The following BMP6 variants were observed in gnomAD, a reference collection of about 807,000 sequenced individuals.
The protein encoded by BMP6 is bone morphogenetic protein 6.
BMP6 carries 17 observed loss-of-function variants against 54.1 expected under a neutral mutation model. The ratio of observed to expected loss-of-function variants is 0.31; its 90% confidence interval spans 0.22 to 0.47. BMP6 has a LOEUF of 0.47. Ranked by LOEUF, BMP6 falls within the 20% of genes least tolerant of loss-of-function variation. The pLI, the probability that BMP6 is intolerant of heterozygous loss-of-function variation, is 1.00. For synonymous variants in BMP6, 328 were observed against 291.2 expected (o/e 1.13, Z -1.28); for missense variants, 720 against 690.4 (o/e 1.04, Z -0.48).
chr6:7,822,693 A>G (rs1190756115), intron 1 of BMP6, among the ~76,000 whole-genome samples: 1 of 152,124 alleles, frequency 6.6e-6, no homozygotes, highest in East Asian at 1.9e-4. Context: ...TAGATTCTCC[A>G]TCCTAATTGT....
chr6:7,830,841 C>T (rs546035458), intron 1 of BMP6, among the ~76,000 whole-genome samples: 34 of 152,306 alleles, frequency 2.2e-4, no homozygotes, highest in Non-Finnish European at 4.4e-4. Context: ...TGTCTCCCAC[C>T]AGGTACCTCC....
chr6:7,878,079 ACTC>A (rs1759649991), intron 4 of BMP6, among the ~76,000 whole-genome samples: 3 of 149,190 alleles, frequency 2.0e-5, no homozygotes, highest in African/African-American at 7.4e-5. Flanking sequence ...TTCCAGCAGA[ACTC>A]CTCTCTCTTC....
intron 1 of BMP6, among the ~76,000 whole-genome samples, chr6:7,761,418 A>G (rs6934488): frequency 0.17 from 25,632 of 152,218 alleles, 3,209 homozygotes; most frequent in African/African-American, 0.35. Context: ...TAGAATTCCA[A>G]GTGCATTTCT....
chr6:7,740,742 C>T (rs1336649277), intron 1 of BMP6, among the ~76,000 whole-genome samples: 3 of 152,178 alleles, frequency 2.0e-5, no homozygotes, highest in African/African-American at 4.8e-5. Context: ...CAATCTTTGC[C>T]CTCTCGCCCA....
intron 1 of BMP6, among the ~76,000 whole-genome samples, chr6:7,734,354 C>G (rs915427403): frequency 6.6e-6 from 1 of 152,172 alleles, no homozygotes; most frequent in Non-Finnish European, 1.5e-5. Flanking sequence ...TTTTCACCAC[C>G]ATTTTCTCTT....
rs78215860 is a variant in BMP6 at position 7,726,694 on chromosome 6, C to G, written c.-262C>G. 5.9e-6 allele frequency: 1 copy of G among 168,154 alleles called. No individual in the cohort carries two copies. The highest frequency in any genetic ancestry group is 1.3e-5 in the Non-Finnish European group (1 of 79,076). The allele number at this position is 168,154 out of a possible 1,614,324, so 10.4% of individuals were successfully genotyped here. ...GGCCTGGACCGCGCGCCTCTAGAGACCTGCGCGAGGCTGTGAGGCTCCCCT... is the reference window on the plus strand; with the variant it reads ...GGCCTGGACCGCGCGCCTCTAGAGAGCTGCGCGAGGCTGTGAGGCTCCCCT... On this transcript the variant is annotated 5_prime_UTR_variant, in exon 1 of 7. Coordinates refer to ENST00000283147, the MANE Select transcript of BMP6 (RefSeq NM_001718.6).
chr6:7,737,555 A>G (rs1581226730), intron 1 of BMP6, among the ~76,000 whole-genome samples: 1 of 151,976 alleles, frequency 6.6e-6, no homozygotes, highest in Non-Finnish European at 1.5e-5. Context: ...CATACCTGTC[A>G]TCGTAGGATG....
chr6:7,837,757 C>G (rs1416492729), intron 1 of BMP6, among the ~76,000 whole-genome samples: 1 of 151,808 alleles, frequency 6.6e-6, no homozygotes. Flanking sequence ...ACCCATATAA[C>G]CAAACACGAC....
chr6:7,856,572 A>C (rs1037176895), intron 2 of BMP6, among the ~76,000 whole-genome samples: 1 of 148,472 alleles, frequency 6.7e-6, no homozygotes, highest in Non-Finnish European at 1.5e-5. Flanking sequence ...CTTTGAATAT[A>C]TAAATGCCAG....
intron 2 of BMP6, among the ~76,000 whole-genome samples, chr6:7,857,963 G>A (rs745433597): frequency 1.4e-4 from 21 of 152,126 alleles, no homozygotes; most frequent in Non-Finnish European, 2.9e-4. Flanking sequence ...AGCAAGATTG[G>A]GAGGGTCACT....
intron 1 of BMP6, among the ~76,000 whole-genome samples, chr6:7,840,443 C>A (rs368949840): frequency 3.9e-5 from 6 of 152,106 alleles, no homozygotes; most frequent in African/African-American, 1.4e-4. Context: ...TTGCATACAT[C>A]CTTTTGTATG....
chr6:7,817,622 T>G (rs1758550034), intron 1 of BMP6, among the ~76,000 whole-genome samples: 1 of 151,554 alleles, frequency 6.6e-6, no homozygotes, highest in South Asian at 2.1e-4. Context: ...ATACCTAATG[T>G]AAATGATGAG....
chr6:7,816,348 T>C (rs1369123286), intron 1 of BMP6, among the ~76,000 whole-genome samples: 2 of 152,334 alleles, frequency 1.3e-5, no homozygotes, highest in South Asian at 2.1e-4. Flanking sequence ...ATATCCTCCC[T>C]GTTTTAAAGG....
chr6:7,877,346 G>A (rs1312794484), intron 4 of BMP6, among the ~76,000 whole-genome samples: 1 of 152,192 alleles, frequency 6.6e-6, no homozygotes, highest in Admixed American at 6.5e-5. Flanking sequence ...ATCTGGTGGG[G>A]CATGGTGGCT....
At chr6:7,729,492 G>T (rs1761813639) in intron 1 of BMP6, among the ~76,000 whole-genome samples, 2 of 152,176 alleles carry the variant, frequency 1.3e-5, no homozygotes, top group South Asian at 2.1e-4. Context: ...TTGAACCGAG[G>T]TTCTCAGCAT....
rs1759735310 is a variant in BMP6 at position 7,881,527 on chromosome 6, AAAGAG to A, written c.*1185_*1189del. Reference sequence around the variant, plus strand: ...AAGGAAAGACCAGACTTTTAAAAAAAAAGAGTTTATTTAGAAAGTATCATAGTGTA... The same window carrying A: ...AAGGAAAGACCAGACTTTTAAAAAAATTTATTTAGAAAGTATCATAGTGTA... On this transcript the variant is annotated 3_prime_UTR_variant, in exon 7 of 7. Coordinates refer to ENST00000283147, the MANE Select transcript of BMP6 (RefSeq NM_001718.6). 2 of 152,278 alleles carry A rather than the reference AAAGAG, an allele frequency of 1.3e-5. No individual in the cohort carries two copies. Among genetic ancestry groups the A allele is most frequent in the Non-Finnish European group, 2.9e-5 (2 of 67,970 alleles). 9.4% of individuals were successfully genotyped at this position (152,278 alleles called of 1,614,324 possible).
intron 4 of BMP6, among the ~76,000 whole-genome samples, chr6:7,867,041 TG>T (rs1759434686): frequency 6.6e-6 from 1 of 152,192 alleles, no homozygotes; most frequent in Non-Finnish European, 1.5e-5. Context: ...TGGATAATTT[TG>T]TATTTTTTTA....
rs114173583 is a variant in BMP6, at chr6:7,748,659, T to A, written c.664+21040T>A. Among the ~76,000 whole-genome samples the A allele has an allele frequency of 1.0e-2, 1,517 of 152,318 alleles. 21 individuals are homozygous for A. Among genetic ancestry groups the A allele is most frequent in the African/African-American group, 0.035 (1,447 of 41,572 alleles). On this transcript the variant is annotated intron_variant, in intron 1 of 6. Transcript: ENST00000283147. ...CCGTGAATAAGCTCAGTTCCTACAG[T>A]CAGCTTCTGACTGGGGCGGAGATGT... is the stretch of plus-strand genomic sequence containing the variant.
At chr6:7,736,015 G>T (rs954663411) in intron 1 of BMP6, among the ~76,000 whole-genome samples, 1 of 152,188 alleles carries the variant, frequency 6.6e-6, no homozygotes, top group African/African-American at 2.4e-5. Flanking sequence ...TGTTTCTGGG[G>T]TTTTACTAAA....
Sources: gnomAD v4.1 joint callset for allele counts (sites outside exome capture counted in the v4.1 genomes callset) on GRCh38, gnomAD v4.1.1 for gene constraint, MANE v1.5 for transcripts, NCBI Gene and HGNC (gene_info 2026-07-23, HGNC 2026-07-21) for gene names.